ADSL: variants seen among roughly 807,000 people sequenced by gnomAD.
ADSL encodes the protein adenylosuccinate lyase.
In ADSL, 44 loss-of-function variants were observed where a neutral mutation model predicts 62.1. The observed-to-expected ratio is 0.71, with a 90% CI of 0.56 to 0.91. The LOEUF is 0.91. Among genes scored for constraint, ADSL ranks in the 40% least tolerant of loss-of-function variants. ADSL has a pLI of 0.00. For missense variants in ADSL, 531 were observed against 627.4 expected, an observed-to-expected ratio of 0.85 and a Z score of 1.64; for synonymous variants, 198 against 220.5, an observed-to-expected ratio of 0.90 and a Z score of 0.90.
At chr22:40,372,122 CTTTTTTTTTTTT>C (rs58396730), downstream of ADSL, among the ~76,000 whole-genome samples, 23 of 65,214 alleles carry the variant, frequency 3.5e-4, no homozygotes, top group African/African-American at 1.5e-3. Context: ...TCCCCCCCCC[CTTTTTTTTTTTT>C]TTTTTTTTTT....
intron 6 of ADSL, among the ~76,000 whole-genome samples, chr22:40,360,111 A>G (rs2044723040): frequency 6.6e-6 from 1 of 152,206 alleles, no homozygotes; most frequent in South Asian, 2.1e-4. Flanking sequence ...GGGTGGAAGA[A>G]TAGTTTATTC....
chr22:40,383,052 C>G (rs374805588), intron 2 of ADSL, among the ~76,000 whole-genome samples: 4 of 152,152 alleles, frequency 2.6e-5, no homozygotes, highest in Non-Finnish European at 4.4e-5. Flanking sequence ...ATGAAACAGG[C>G]GATTACTACT....
chr22:40,348,615 A>C (rs1441815226), intron 1 of ADSL: 8 of 398,508 alleles, frequency 2.0e-5, no homozygotes, highest in Non-Finnish European at 3.1e-5. Flanking sequence ...TTCTGGACTC[A>C]AGCGATCCAC....
chr22:40,374,253 A>G (rs1206083542), downstream of ADSL, among the ~76,000 whole-genome samples: 2 of 152,104 alleles, frequency 1.3e-5, no homozygotes, highest in African/African-American at 2.4e-5. Flanking sequence ...TGCCCAGCCA[A>G]TAGGGCGGTT....
intron 1 of ADSL, chr22:40,347,304 C>G (rs1417429233): frequency 6.6e-6 from 1 of 152,538 alleles, no homozygotes; most frequent in African/African-American, 2.4e-5. Context: ...TCTAGGCCAC[C>G]GTTTCTGCCT....
downstream of ADSL, among the ~76,000 whole-genome samples, chr22:40,369,695 G>C (rs1169468048): frequency 2.6e-4 from 40 of 151,950 alleles, no homozygotes; most frequent in Non-Finnish European, 4.7e-4. Flanking sequence ...TGTAGAGACA[G>C]GGTCTCACTC....
intron 3 of ADSL, among the ~76,000 whole-genome samples, chr22:40,353,570 C>T (rs969910434): frequency 6.6e-6 from 1 of 151,828 alleles, no homozygotes; most frequent in African/African-American, 2.4e-5. Context: ...AGGTGTGAGC[C>T]ACCGCACCCA....
chr22:40,369,597 G>A (rs1271115605), downstream of ADSL, among the ~76,000 whole-genome samples: 2 of 151,744 alleles, frequency 1.3e-5, no homozygotes, highest in Non-Finnish European at 2.9e-5. Flanking sequence ...TTGATTTCCT[G>A]GGCTCAAGCG....
chr22:40,353,244 A>G (rs1405851041), intron 3 of ADSL, 127 bp downstream of exon 3: 6 of 762,136 alleles, frequency 7.9e-6, no homozygotes, highest in Admixed American at 7.7e-5. Flanking sequence ...GTGAATGACA[A>G]CCCTATGTTT....
intron 10 of ADSL, 147 bp downstream of exon 10, chr22:40,363,218 G>A: frequency 1.3e-6 from 1 of 743,134 alleles, no homozygotes; most frequent in Non-Finnish European, 2.4e-6. Context: ...TAAGCTCTAG[G>A]GAACTAGCTC....
At chr22:40,364,189 C>A in intron 10 of ADSL, 87 bp from the exon 11 acceptor site, 2 of 972,400 alleles carry the variant, frequency 2.1e-6, no homozygotes, top group Non-Finnish European at 3.2e-6. Flanking sequence ...AGTGTCTGTG[C>A]TGTGCATTTT....
At chr22:40,364,751 C>A in intron 11 of ADSL, 129 bp from the exon 12 acceptor site, 1 of 953,740 alleles carries the variant, frequency 1.0e-6, no homozygotes, top group Non-Finnish European at 1.7e-6. Context: ...GACACAGGAA[C>A]CACCTCAGCC....
chr22:40,355,549 C>T (rs1225316164), intron 4 of ADSL, among the ~76,000 whole-genome samples: 1 of 152,170 alleles, frequency 6.6e-6, no homozygotes, highest in East Asian at 1.9e-4. Context: ...TGAATCAGAA[C>T]TTCGGTTCTT....
chr22:40,365,118 T>A, intron 12 of ADSL, 62 bp downstream of exon 12: 1 of 1,546,532 alleles, frequency 6.5e-7, no homozygotes, highest in African/African-American at 1.4e-5. Flanking sequence ...CTCTTTGATG[T>A]TTTTGCTTTA....
In ADSL at chr22:40,366,444, A is replaced by T; in HGVS notation, c.1377A>T (p.Arg459Ser). 6.2e-7 allele frequency: 1 copy of T among 1,611,268 alleles called. No homozygotes were observed. Among genetic ancestry groups the T allele is most frequent in the Non-Finnish European group, 8.5e-7 (1 of 1,177,432 alleles). The change falls in exon 13 of 13, where the codon AGA becomes AGT. Residue 459 changes from arginine to serine, a missense_variant. By Grantham distance (110) the Arg-to-Ser change is moderately radical. This residue lies in a region of ADSL where 471 missense variants were observed against 592.9 expected (regional missense o/e 0.79). Coordinates refer to ENST00000623063, the MANE Select transcript of ADSL (RefSeq NM_000026.4). Reference sequence around the variant, plus strand: ...TTGCTTTCCTCTGGCAGGTGCAGAGATTCTTAGAAGAGGAGGTGTATCCCC... The same window carrying T: ...TTGCTTTCCTCTGGCAGGTGCAGAGTTTCTTAGAAGAGGAGGTGTATCCCC... ...FTGRASQQVQ[R>S]FLEEEVYPLL...
In ADSL at chr22:40,346,569, G is replaced by C. The variant is rs766546584; in HGVS notation, c.11G>C (p.Gly4Ala). 4 of 1,605,174 alleles carry C rather than the reference G, an allele frequency of 2.5e-6. No homozygotes were observed. Among genetic ancestry groups the C allele is most frequent in the African/African-American group, 1.3e-5 (1 of 74,958 alleles). The part of the protein sequence containing the change: MAA[G>A]GDHGSPDSYR... ...GGTCGCAGGGTTGGGATGGCGGCTG[G>C]AGGCGATCATGGTTCGCCCGACAGC... The change falls in exon 1 of 13, where the codon GGA becomes GCA. Residue 4 changes from glycine to alanine, a missense_variant. Gly to Ala is a moderately conservative substitution (Grantham distance 60, BLOSUM62 0). Around this residue, in one of 2 missense-constraint regions of ADSL, gnomAD observed 60 missense variants for 34.5 expected, o/e 1.74. Coordinates refer to ENST00000623063, the MANE Select transcript of ADSL (RefSeq NM_000026.4).
chr22:40,350,250 A>G (rs2044294805), intron 2 of ADSL: 2 of 521,598 alleles, frequency 3.8e-6, no homozygotes, highest in Non-Finnish European at 6.8e-6. Flanking sequence ...CAGCCTCCCG[A>G]GTAGCTGGGA....
intron 1 of ADSL, chr22:40,348,917 T>C (rs2044243885): frequency 3.9e-6 from 1 of 258,038 alleles, no homozygotes; most frequent in Non-Finnish European, 7.2e-6. Flanking sequence ...ATTTTTCCAG[T>C]GATGGATGAA....
downstream of ADSL, among the ~76,000 whole-genome samples, chr22:40,370,039 T>C (rs2045157927): frequency 6.6e-6 from 1 of 152,096 alleles, no homozygotes; most frequent in South Asian, 2.1e-4. Context: ...CAGAAGGTAC[T>C]CAGAAAATTT....
Sources: gnomAD v4.1 joint callset for allele counts (sites outside exome capture counted in the v4.1 genomes callset) on GRCh38, gnomAD v4.1.1 for gene constraint, gnomAD v4.1.1 regional missense constraint, MANE v1.5 for transcripts, NCBI Gene and HGNC (gene_info 2026-07-23, HGNC 2026-07-21) for gene names.